FNBP1: variants seen among roughly 807,000 people sequenced by gnomAD.
The protein encoded by FNBP1 is formin-binding protein 1.
FNBP1 carries 26 observed loss-of-function variants against 90.6 expected under a neutral mutation model. That is an observed-to-expected ratio of 0.29 (90% CI 0.21 to 0.40). The LOEUF is 0.40. Ranked by LOEUF, FNBP1 falls within the 10% of genes least tolerant of loss-of-function variation. The pLI, the probability that FNBP1 is intolerant of heterozygous loss-of-function variation, is 1.00. For synonymous variants in FNBP1, 260 were observed against 265.2 expected, an observed-to-expected ratio of 0.98 and a Z score of 0.19; for missense variants, 635 against 768.0, an observed-to-expected ratio of 0.83 and a Z score of 2.05.
intron 6 of FNBP1, among the ~76,000 whole-genome samples, chr9:129,956,872 G>A (rs961651644): frequency 1.6e-4 from 24 of 152,088 alleles, no homozygotes; most frequent in African/African-American, 4.8e-4. Context: ...TTCTAACACC[G>A]AAGATTCCCC....
chr9:129,913,664 G>A (rs1402761459), intron 11 of FNBP1, among the ~76,000 whole-genome samples: 8 of 151,810 alleles, frequency 5.3e-5, no homozygotes, highest in African/African-American at 1.7e-4. Flanking sequence ...CCAGCTACTC[G>A]AGAAGCTGAG....
chr9:130,021,553 A>G (rs1276923566), intron 1 of FNBP1, among the ~76,000 whole-genome samples: 1 of 152,184 alleles, frequency 6.6e-6, no homozygotes, highest in East Asian at 1.9e-4. Flanking sequence ...CTTTGCAGAA[A>G]TAACAATTTC....
intron 4 of FNBP1, among the ~76,000 whole-genome samples, chr9:129,971,674 A>G (rs1232290097): frequency 2.0e-5 from 3 of 152,228 alleles, no homozygotes. Flanking sequence ...TACAGGCGTG[A>G]GCCACTGTGC....
chr9:129,896,135 A>G (rs910228235), intron 15 of FNBP1, 139 bp from the exon 16 acceptor site: 3 of 794,304 alleles, frequency 3.8e-6, no homozygotes, highest in South Asian at 3.5e-5. Flanking sequence ...TCTCAGATGC[A>G]CGGACCCCTC....
intron 1 of FNBP1, among the ~76,000 whole-genome samples, chr9:130,019,856 C>T (rs1280464488): frequency 6.6e-6 from 1 of 152,060 alleles, no homozygotes; most frequent in East Asian, 1.9e-4. Flanking sequence ...CCGCGCCCGG[C>T]CCACAATGCT....
intron 6 of FNBP1, among the ~76,000 whole-genome samples, chr9:129,932,246 A>ATGAAAGAGAAAGAAAGAGAAAG (rs1281475425): frequency 7.2e-5 from 11 of 152,042 alleles, no homozygotes; most frequent in Admixed American, 5.2e-4. Context: ...GAACAAACGA[A>ATGAAAGAGAAAGAAAGAGAAAG]TGAAAGAGAA....
chr9:130,008,678 C>G (rs1027884109), intron 1 of FNBP1, among the ~76,000 whole-genome samples: 2 of 152,192 alleles, frequency 1.3e-5, no homozygotes, highest in Non-Finnish European at 2.9e-5. Flanking sequence ...TTCCTGATTT[C>G]TATGCAGAGA....
At chr9:129,945,197 C>T (rs1207349777) in intron 6 of FNBP1, among the ~76,000 whole-genome samples, 1 of 152,102 alleles carries the variant, frequency 6.6e-6, no homozygotes, top group Non-Finnish European at 1.5e-5. Context: ...TTCATTTGAA[C>T]CTTGATCCAC....
chr9:129,945,497 T>C (rs2045117598), intron 6 of FNBP1, among the ~76,000 whole-genome samples: 1 of 152,220 alleles, frequency 6.6e-6, no homozygotes, highest in Non-Finnish European at 1.5e-5. Flanking sequence ...ACATGTTCCA[T>C]AAAGATGTCA....
Position 130,042,159 on chromosome 9 carries a change from C to T in FNBP1, c.24+793G>A, listed in dbSNP as rs1265082019. Among the ~76,000 whole-genome samples, 2 of 152,068 alleles carry T rather than the reference C, an allele frequency of 1.3e-5. No homozygotes were observed. Among genetic ancestry groups the T allele is most frequent in the Non-Finnish European group, 2.9e-5 (2 of 68,010 alleles). On this transcript the variant is annotated intron_variant, in intron 1 of 16. Transcript: ENST00000446176. This position sits in a 1 kb window ranked among gnomAD's most constrained non-coding sequence, Gnocchi z 5.5. Reference sequence around the variant, plus strand: ...GGGCTGCCCGTTTACCGTGCGCATCCCCCGGCCAAGCATCCCCGCAAGGCG... The same window carrying T: ...GGGCTGCCCGTTTACCGTGCGCATCTCCCGGCCAAGCATCCCCGCAAGGCG...
At chr9:129,947,219 T>C (rs1175486178) in intron 6 of FNBP1, among the ~76,000 whole-genome samples, 2 of 151,984 alleles carry the variant, frequency 1.3e-5, no homozygotes, top group African/African-American at 4.8e-5. Flanking sequence ...GGTGGGTGGA[T>C]CACCTGAGGT....
chr9:129,910,784 G>A (rs142054414), intron 11 of FNBP1, among the ~76,000 whole-genome samples: 138 of 152,040 alleles, frequency 9.1e-4, no homozygotes, highest in Non-Finnish European at 1.6e-3. Flanking sequence ...AAAAGGCCAC[G>A]CAAAGACCTT....
intron 10 of FNBP1, among the ~76,000 whole-genome samples, chr9:129,919,924 C>T (rs183126086): frequency 6.6e-6 from 1 of 152,256 alleles, no homozygotes; most frequent in East Asian, 1.9e-4. Context: ...ATGCAAGATC[C>T]ATGTTGAGAC....
chr9:130,006,260 T>A (rs894362287), intron 1 of FNBP1, among the ~76,000 whole-genome samples: 1 of 152,092 alleles, frequency 6.6e-6, no homozygotes, highest in Non-Finnish European at 1.5e-5. Context: ...CTGGCCAATA[T>A]GGTGAAACCC....
intron 1 of FNBP1, among the ~76,000 whole-genome samples, chr9:130,004,791 C>T (rs960948414): frequency 6.6e-6 from 1 of 152,126 alleles, no homozygotes. Flanking sequence ...ACAGGCCGGG[C>T]GTGGTGGCTC....
intron 1 of FNBP1, among the ~76,000 whole-genome samples, chr9:130,027,691 C>T (rs1386661889): frequency 6.6e-6 from 1 of 152,090 alleles, no homozygotes; most frequent in Non-Finnish European, 1.5e-5. Flanking sequence ...GACCCAACTG[C>T]TGGGCGTTAG....
At chr9:130,018,890 T>A (rs1305981809) in intron 1 of FNBP1, among the ~76,000 whole-genome samples, 1 of 152,108 alleles carries the variant, frequency 6.6e-6, no homozygotes, top group African/African-American at 2.4e-5. Context: ...CAAGCAAGAA[T>A]CATCTTTTGC....
At chr9:129,943,809 G>A (rs890463963) in intron 6 of FNBP1, among the ~76,000 whole-genome samples, 8 of 151,692 alleles carry the variant, frequency 5.3e-5, no homozygotes, top group Admixed American at 1.3e-4. Flanking sequence ...TGGCTAAGAC[G>A]GTGAAACCCT....
rs796894272 is a variant in FNBP1, at chr9:129,888,156, G to A, written c.*2383C>T. On this transcript the variant is annotated 3_prime_UTR_variant, in exon 17 of 17. Transcript: ENST00000446176. Reference sequence around the variant, plus strand: ...GATACAAGCATATCCTATACTGGGGGTGACGGTCATTCAAAGAGCAAATTA... The same window carrying A: ...GATACAAGCATATCCTATACTGGGGATGACGGTCATTCAAAGAGCAAATTA... 49 of 232,940 alleles carry A rather than the reference G, an allele frequency of 2.1e-4. 1 individual carries two copies. The East Asian group carries it at 2.9e-3, about 14-fold the overall frequency. The allele number at this position is 232,940 out of a possible 1,614,324, so 14.4% of individuals were successfully genotyped here.
Sources: allele counts gnomAD v4.1 joint callset (sites outside exome capture counted in the v4.1 genomes callset), GRCh38; gene constraint gnomAD v4.1.1; non-coding constraint Gnocchi (gnomAD v3.1); transcripts MANE v1.5; gene names NCBI Gene and HGNC (gene_info 2026-07-23, HGNC 2026-07-21).